The following DLG2 variants were observed in gnomAD, a reference collection of about 807,000 sequenced individuals.
DLG2 encodes the protein disks large homolog 2.
A neutral mutation model predicts 132.5 loss-of-function variants in DLG2; 45 were observed. The observed-to-expected ratio is 0.34, with a 90% CI of 0.27 to 0.44. The LOEUF (loss-of-function observed/expected upper bound fraction) is 0.44, where lower values mean the gene tolerates loss of function less well. DLG2 is among the 20% of genes least tolerant of loss of function. The probability of loss-of-function intolerance (pLI) is 1.00; values close to 1 mark genes in which losing one functional copy is unlikely to be tolerated. For missense variants in DLG2, 1,045 were observed against 1,196.9 expected (o/e 0.87, Z 1.87); for synonymous variants, 424 against 419.6 (o/e 1.01, Z -0.13).
intron 6 of DLG2, among the ~76,000 whole-genome samples, chr11:84,593,564 A>G (rs2099549278): frequency 6.6e-6 from 1 of 152,184 alleles, no homozygotes; most frequent in Non-Finnish European, 1.5e-5. Flanking sequence ...ACCAAACACC[A>G]CATGTTCTCA....
At chr11:84,736,091 A>T (rs138076776) in intron 6 of DLG2, among the ~76,000 whole-genome samples, 4 of 151,956 alleles carry the variant, frequency 2.6e-5, no homozygotes, top group African/African-American at 9.6e-5. Flanking sequence ...TGAGGTATGG[A>T]TCCAAGTTCA....
At chr11:84,281,685 A>T (rs1274807805) in intron 7 of DLG2, among the ~76,000 whole-genome samples, 1 of 151,864 alleles carries the variant, frequency 6.6e-6, no homozygotes, top group African/African-American at 2.4e-5. Flanking sequence ...ATCAGAAAAA[A>T]AAACCCAAAA....
At chr11:85,505,995 A>G (rs972359061) in intron 3 of DLG2, among the ~76,000 whole-genome samples, 2 of 151,826 alleles carry the variant, frequency 1.3e-5, no homozygotes, top group African/African-American at 2.4e-5. Context: ...AGATTTTCTA[A>G]TTTATTTGCA....
intron 7 of DLG2, among the ~76,000 whole-genome samples, chr11:84,427,537 G>A (rs2098970848): frequency 6.6e-6 from 1 of 152,020 alleles, no homozygotes; most frequent in Non-Finnish European, 1.5e-5. Flanking sequence ...AGATGACAAA[G>A]AACTTTTACA....
At chr11:85,048,199 G>C (rs1384436920) in intron 6 of DLG2, among the ~76,000 whole-genome samples, 1 of 151,866 alleles carries the variant, frequency 6.6e-6, no homozygotes, top group Non-Finnish European at 1.5e-5. Flanking sequence ...AAAATGACTA[G>C]ATTTCAAGAT....
chr11:83,958,829 A>C (rs1377838901), intron 14 of DLG2, among the ~76,000 whole-genome samples: 2 of 152,130 alleles, frequency 1.3e-5, no homozygotes, highest in African/African-American at 2.4e-5. Context: ...TCCAGCCAAA[A>C]AAATAGTGCA....
chr11:84,778,537 A>C (rs2153903212), intron 6 of DLG2, among the ~76,000 whole-genome samples: 2 of 152,278 alleles, frequency 1.3e-5, no homozygotes, highest in Non-Finnish European at 2.9e-5. Flanking sequence ...GATTGCTTTG[A>C]GCAGTATAGT....
chr11:85,081,192 C>A (rs894031488), intron 6 of DLG2, among the ~76,000 whole-genome samples: 2 of 152,140 alleles, frequency 1.3e-5, no homozygotes, highest in Admixed American at 1.3e-4. Context: ...ATTTATATAA[C>A]CTGAAAGTCA....
chr11:83,998,730 C>A (rs1407018803), intron 11 of DLG2, among the ~76,000 whole-genome samples: 1 of 152,156 alleles, frequency 6.6e-6, no homozygotes. Context: ...GGGTCTTACA[C>A]ACTCTGTGAC....
chr11:84,451,084 A>T (rs1392982321), intron 7 of DLG2, among the ~76,000 whole-genome samples: 2 of 151,764 alleles, frequency 1.3e-5, no homozygotes, highest in African/African-American at 4.8e-5. Context: ...TTATAGGCTG[A>T]GAAAAAAAAG....
At chr11:84,844,716 G>C (rs1485760215) in intron 6 of DLG2, among the ~76,000 whole-genome samples, 2 of 152,124 alleles carry the variant, frequency 1.3e-5, no homozygotes, top group African/African-American at 4.8e-5. Context: ...AAATTAAGCA[G>C]TGTGTATGCT....
chr11:83,650,597 A>T (rs1257810180), intron 18 of DLG2, among the ~76,000 whole-genome samples: 1 of 152,228 alleles, frequency 6.6e-6, no homozygotes, highest in Non-Finnish European at 1.5e-5. Flanking sequence ...TTATAGTAGC[A>T]ATAGGAAACT....
chr11:84,029,476 G>A lies in DLG2; in HGVS notation c.919+29839C>T, dbSNP rs1380358232. 2.6e-5 allele frequency among the ~76,000 whole-genome samples: 4 copies of A among 152,138 alleles called. No homozygotes were observed. In the East Asian group the frequency reaches 7.7e-4, roughly 29 times the overall value. ...AAATTTAAGGTCATATGCTAAAATG[G>A]GACATGGGTAGGAAGGGAGTGCACT... On this transcript the variant is annotated intron_variant, in intron 11 of 27. Transcript: ENST00000376104.
At chr11:85,195,960 T>C (rs1292798832) in intron 4 of DLG2, among the ~76,000 whole-genome samples, 1 of 152,234 alleles carries the variant, frequency 6.6e-6, no homozygotes, top group East Asian at 1.9e-4. Context: ...CACTATAAAG[T>C]ATCATTCATT....
intron 11 of DLG2, among the ~76,000 whole-genome samples, chr11:84,012,977 C>CTT (rs142893428): frequency 0.032 from 4,836 of 151,178 alleles, 237 homozygotes; most frequent in African/African-American, 0.1. Flanking sequence ...TCAGATCTGT[C>CTT]TTTTAAAGGA....
chr11:85,057,504 A>C (rs562015184), intron 6 of DLG2, among the ~76,000 whole-genome samples: 1 of 151,802 alleles, frequency 6.6e-6, no homozygotes, highest in Admixed American at 6.6e-5. Flanking sequence ...TGATAAATAA[A>C]TTGAATTACT....
intron 15 of DLG2, among the ~76,000 whole-genome samples, chr11:83,918,148 T>C (rs1226674665): frequency 6.6e-6 from 1 of 152,088 alleles, no homozygotes; most frequent in African/African-American, 2.4e-5. Context: ...TCCATGGCAT[T>C]CCATGAAAGA....
chr11:84,751,572 A>G (rs1332122057), intron 6 of DLG2, among the ~76,000 whole-genome samples: 1 of 152,180 alleles, frequency 6.6e-6, no homozygotes, highest in African/African-American at 2.4e-5. Flanking sequence ...TTTCCTGGGC[A>G]TCCTCAGATC....
At chr11:85,377,811 G>A (rs1258181662) in intron 3 of DLG2, among the ~76,000 whole-genome samples, 45 of 137,250 alleles carry the variant, frequency 3.3e-4, no homozygotes, top group Admixed American at 8.7e-4. Flanking sequence ...ATATGTGTGT[G>A]TGTGTGTGTG....
Sources: allele counts gnomAD v4.1 joint callset (sites outside exome capture counted in the v4.1 genomes callset), GRCh38; gene constraint gnomAD v4.1.1; transcripts MANE v1.5; gene names NCBI Gene and HGNC (gene_info 2026-07-23, HGNC 2026-07-21).